The following GLIS3 variants were observed in gnomAD, a reference collection of about 807,000 sequenced individuals.
The protein encoded by GLIS3 is GLIS family zinc finger 3.
In GLIS3, 53 loss-of-function variants were observed where a neutral mutation model predicts 78.6. The observed-to-expected ratio is 0.67, with a 90% CI of 0.54 to 0.85. The LOEUF is 0.85. Among genes scored for constraint, GLIS3 ranks in the 40% least tolerant of loss-of-function variants. The pLI is 0.00. For missense variants in GLIS3, 1,703 were observed against 1,231.1 expected (o/e 1.38, Z -5.74); for synonymous variants, 684 against 509.9 (o/e 1.34, Z -4.60).
intron 2 of GLIS3, among the ~76,000 whole-genome samples, chr9:4,171,773 TATA>T (rs1816394772): frequency 6.6e-6 from 1 of 152,206 alleles, no homozygotes; most frequent in African/African-American, 2.4e-5. Flanking sequence ...ATTGCAGATT[TATA>T]ATGAGTGTAA....
At chr9:4,373,288 A>C in the GLIS3 span, among the ~76,000 whole-genome samples, 1 of 98,370 alleles carries the variant, frequency 1.0e-5, no homozygotes, top group Non-Finnish European at 2.7e-5. Context: ...GGTCCCCTTC[A>C]CCTAAATCAG....
chr9:4,404,266 T>C, the GLIS3 span, among the ~76,000 whole-genome samples: 1 of 152,096 alleles, frequency 6.6e-6, no homozygotes, highest in Non-Finnish European at 1.5e-5. Context: ...CCAAATACAA[T>C]AATAACTGGA....
At chr9:4,487,733 G>T in the GLIS3 span, among the ~76,000 whole-genome samples, 2 of 151,644 alleles carry the variant, frequency 1.3e-5, no homozygotes, top group Non-Finnish European at 2.9e-5. Context: ...TGTCACCCAG[G>T]CTGGAGTACA....
intron 2 of GLIS3, among the ~76,000 whole-genome samples, chr9:4,188,475 T>A (rs1036732900): frequency 6.6e-6 from 1 of 150,472 alleles, no homozygotes; most frequent in African/African-American, 2.4e-5. Context: ...GTTGTGTCTC[T>A]GCCCGGCTTT....
chr9:3,952,192 T>G (rs1816743679), intron 4 of GLIS3, among the ~76,000 whole-genome samples: 1 of 152,184 alleles, frequency 6.6e-6, no homozygotes, highest in South Asian at 2.1e-4. Flanking sequence ...AAGCTTTTGA[T>G]ATCTCAAAAA....
intron 6 of GLIS3, among the ~76,000 whole-genome samples, chr9:3,908,714 T>G (rs543644599): frequency 0.087 from 12,329 of 141,378 alleles, 557 homozygotes; most frequent in East Asian, 0.14. Context: ...TTGTTTTTTT[T>G]TTTTTTTTTT....
chr9:4,066,092 G>C (rs938184187), intron 4 of GLIS3, among the ~76,000 whole-genome samples: 2 of 139,634 alleles, frequency 1.4e-5, no homozygotes, highest in African/African-American at 5.2e-5. Flanking sequence ...TGAATTTTAA[G>C]AAAAAAAAAT....
Position 3,828,052 on chromosome 9 carries a change from C to G in GLIS3, c.*220G>C. 1.7e-6 allele frequency: 1 copy of G among 588,564 alleles called. No individual in the cohort carries two copies. The highest frequency in any genetic ancestry group is 3.0e-6 in the Non-Finnish European group (1 of 331,632). The allele number at this position is 588,564 out of a possible 1,614,324, so 36.5% of individuals were successfully genotyped here. ...CCTTTGAAAAGACAGTCCTCCTGGT[C>G]ACATAGTCCAGGAAAACCAGAGAGA... On this transcript the variant is annotated 3_prime_UTR_variant, in exon 11 of 11. Transcript: ENST00000381971.
At chr9:4,385,312 T>C in the GLIS3 span, among the ~76,000 whole-genome samples, 9 of 152,182 alleles carry the variant, frequency 5.9e-5, no homozygotes, top group Non-Finnish European at 1.2e-4. Context: ...AGCTGCATTT[T>C]CCAAGCAATA....
intron 2 of GLIS3, among the ~76,000 whole-genome samples, chr9:4,314,607 C>T (rs1037890354): frequency 3.9e-5 from 6 of 152,206 alleles, no homozygotes; most frequent in African/African-American, 1.2e-4. Flanking sequence ...GAGACAGCTA[C>T]GGAATCTTTC....
intron 2 of GLIS3, among the ~76,000 whole-genome samples, chr9:4,208,770 C>T (rs1458439572): frequency 6.6e-6 from 1 of 152,194 alleles, no homozygotes; most frequent in African/African-American, 2.4e-5. Context: ...CCTTATGCCA[C>T]CCTCTAAATG....
Position 4,320,924 on chromosome 9 carries a change from G to C in GLIS3, n.265-10396C>G, listed in dbSNP as rs148911265. On this transcript the variant is annotated intron_variant and non_coding_transcript_variant, in intron 2 of 4. Transcript: ENST00000471664. ...TTCAAAATGCAAGTTTTGAAAGTCT[G>C]TCTCCTGCTTGAGCATTTTTCAATG... Among the ~76,000 whole-genome samples the C allele has an allele frequency of 1.9e-3, 292 of 152,148 alleles. 1 individual carries two copies. Among genetic ancestry groups the C allele is most frequent in the Non-Finnish European group, 3.2e-3 (221 of 68,008 alleles).
At position 4,053,705 on chromosome 9, in the gene GLIS3, T is replaced by TAAAAAAAAAAAAAAAAAAAAAAAA. The variant is rs760535978; in HGVS notation, c.1710+64062_1710+64063insTTTTTTTTTTTTTTTTTTTTTTTT. Among the ~76,000 whole-genome samples the TAAAAAAAAAAAAAAAAAAAAAAAA allele has an allele frequency of 1.1e-4, 10 of 91,130 alleles. 1 individual carries two copies. The highest frequency in any genetic ancestry group is 3.6e-4 in the African/African-American group (10 of 28,060). 59.8% of individuals were successfully genotyped at this position (91,130 alleles called of 152,430 possible). A position where few individuals can be genotyped will look rare whatever the true frequency, so the allele number is the denominator to read the frequency against. ...AGTGCCTACTTGTTTTCTTTCTTCA[T>TAAAAAAAAAAAAAAAAAAAAAAAA]AAAAAAAAAAAAAAAAAATTCTGGA... is the stretch of plus-strand genomic sequence containing the variant. On this transcript the variant is annotated intron_variant, in intron 4 of 10. Coordinates refer to ENST00000381971, the MANE Select transcript of GLIS3 (RefSeq NM_001042413.2).
chr9:4,102,502 G>C (rs537454791), intron 4 of GLIS3, among the ~76,000 whole-genome samples: 2 of 152,272 alleles, frequency 1.3e-5, no homozygotes, highest in African/African-American at 2.4e-5. Context: ...AATGCCTGAA[G>C]ACATGTTTGT....
intron 4 of GLIS3, among the ~76,000 whole-genome samples, chr9:4,082,037 C>T (rs540787174): frequency 7.2e-5 from 11 of 152,182 alleles, no homozygotes; most frequent in Non-Finnish European, 1.5e-4. Flanking sequence ...AGGACAGAAT[C>T]GGAATGGGAG....
At chr9:4,320,375 G>C (rs1416875192) in intron 2 of GLIS3, among the ~76,000 whole-genome samples, 1 of 152,034 alleles carries the variant, frequency 6.6e-6, no homozygotes, top group Admixed American at 6.6e-5. Flanking sequence ...GACTGAAAAG[G>C]CATCTTCAGT....
chr9:4,240,969 G>A (rs899144927), intron 2 of GLIS3, among the ~76,000 whole-genome samples: 1 of 139,616 alleles, frequency 7.2e-6, no homozygotes, highest in South Asian at 2.3e-4. Flanking sequence ...GTGTGTGTGT[G>A]TGTACGTGTG....
At position 4,277,608 on chromosome 9, in the gene GLIS3, C is replaced by G. The variant is rs191339960; in HGVS notation, c.388+8430G>C. 3.3e-5 allele frequency among the ~76,000 whole-genome samples: 5 copies of G among 152,268 alleles called. No homozygotes were observed. In the East Asian group the frequency reaches 5.8e-4, roughly 18 times the overall value. Reference sequence around the variant, plus strand: ...AACAATAATGAATAACCCACAAACGCTAATGAATAACTAACTCCCTTTGTC... The same window carrying G: ...AACAATAATGAATAACCCACAAACGGTAATGAATAACTAACTCCCTTTGTC... On this transcript the variant is annotated intron_variant, in intron 2 of 10. Coordinates refer to ENST00000381971, the MANE Select transcript of GLIS3 (RefSeq NM_001042413.2).
intron 4 of GLIS3, among the ~76,000 whole-genome samples, chr9:3,970,701 T>G (rs1167120881): frequency 6.6e-6 from 1 of 152,152 alleles, no homozygotes; most frequent in Non-Finnish European, 1.5e-5. Flanking sequence ...AAACTGAGAT[T>G]AAGTTGATCA....
Sources: allele counts gnomAD v4.1 joint callset (sites outside exome capture counted in the v4.1 genomes callset), GRCh38; gene constraint gnomAD v4.1.1; transcripts MANE v1.5; gene names NCBI Gene and HGNC (gene_info 2026-07-23, HGNC 2026-07-21).